The following AHI1 variants were observed in gnomAD, a reference collection of about 807,000 sequenced individuals.
AHI1 encodes Abelson helper integration site 1, also known as jouberin.
AHI1 carries 123 observed loss-of-function variants against 149.3 expected under a neutral mutation model. That is an observed-to-expected ratio of 0.82 (90% CI 0.71 to 0.96). The LOEUF is 0.96. Among genes scored for constraint, AHI1 ranks in the 40% least tolerant of loss-of-function variants. The pLI, the probability that AHI1 is intolerant of heterozygous loss-of-function variation, is 0.00. For synonymous variants in AHI1, 475 were observed against 459.8 expected, an observed-to-expected ratio of 1.03 and a Z score of -0.42; for missense variants, 1,439 against 1,422.7, an observed-to-expected ratio of 1.01 and a Z score of -0.18.
At chr6:135,294,541 CA>C (rs1454040325) in intron 27 of AHI1, among the ~76,000 whole-genome samples, 2 of 149,826 alleles carry the variant, frequency 1.3e-5, no homozygotes, top group Admixed American at 6.6e-5. Flanking sequence ...ACCCTCCCCC[CA>C]AAAAAAACCA....
chr6:135,494,800 A>G (rs560232219), intron 3 of AHI1, among the ~76,000 whole-genome samples: 1 of 152,360 alleles, frequency 6.6e-6, no homozygotes, highest in Non-Finnish European at 1.5e-5. Context: ...AAGTAAAATC[A>G]GGGAGATAGG....
At chr6:135,421,372 TA>T (rs368351601) in intron 20 of AHI1, among the ~76,000 whole-genome samples, 75 of 152,232 alleles carry the variant, frequency 4.9e-4, no homozygotes, top group Admixed American at 1.2e-3. Context: ...TGAAGCACAA[TA>T]AAGCAAACAC....
Position 135,398,058 on chromosome 6 carries a change from GTTTTTTTTT to G in AHI1, c.2989-3171_2989-3163del, listed in dbSNP as rs68148024. Among the ~76,000 whole-genome samples the G allele has an allele frequency of 7.9e-5, 7 of 88,428 alleles. No individual in the cohort carries two copies. In the East Asian group the frequency reaches 1.0e-3, roughly 13 times the overall value. 58.0% of individuals were successfully genotyped at this position (88,428 alleles called of 152,430 possible). Reference sequence around the variant, plus strand: ...AAAAGAAACCAATAATACCCAGGATGTTTTTTTTTTTTTTTTTTTTTTGCAAATCATGTA... The same window carrying G: ...AAAAGAAACCAATAATACCCAGGATGTTTTTTTTTTTTTGCAAATCATGTA... On this transcript the variant is annotated intron_variant, in intron 22 of 28. Transcript: ENST00000265602.
intron 22 of AHI1, among the ~76,000 whole-genome samples, chr6:135,397,131 C>T (rs572694987): frequency 6.6e-6 from 1 of 151,904 alleles, no homozygotes; most frequent in South Asian, 2.1e-4. Context: ...AGCAACGTAA[C>T]AGAGCAGATA....
chr6:135,364,136 A>C (rs868578270), intron 23 of AHI1, among the ~76,000 whole-genome samples: 2 of 146,708 alleles, frequency 1.4e-5, no homozygotes, highest in African/African-American at 2.5e-5. Context: ...CTTCCCAGAC[A>C]GGGTGGCTGC....
At chr6:135,373,095 T>C (rs1284594922) in intron 23 of AHI1, among the ~76,000 whole-genome samples, 3 of 152,244 alleles carry the variant, frequency 2.0e-5, no homozygotes, top group Admixed American at 6.5e-5. Context: ...TAAAAAACGT[T>C]AATTTACCCT....
chr6:135,482,570 CA>C (rs1167025641), intron 5 of AHI1, among the ~76,000 whole-genome samples: 1 of 151,710 alleles, frequency 6.6e-6, no homozygotes, highest in African/African-American at 2.4e-5. Context: ...TGCATACAGT[CA>C]ATTTAAAATT....
At chr6:135,344,389 T>G (rs1289041604) in intron 24 of AHI1, among the ~76,000 whole-genome samples, 1 of 150,830 alleles carries the variant, frequency 6.6e-6, no homozygotes, top group African/African-American at 2.4e-5. Flanking sequence ...CATTAAAAAT[T>G]TATATATATT....
intron 23 of AHI1, among the ~76,000 whole-genome samples, chr6:135,382,921 AAAAAAATAT>A (rs1234569182): frequency 8.1e-4 from 76 of 93,616 alleles, no homozygotes; most frequent in Non-Finnish European, 1.3e-3. Context: ...AAAAAAAAAA[AAAAAAATAT>A]ATATATATAT....
chr6:135,480,224 A>T (rs1299805214), intron 5 of AHI1, among the ~76,000 whole-genome samples: 3 of 152,174 alleles, frequency 2.0e-5, no homozygotes, highest in African/African-American at 7.2e-5. Context: ...TGGGAACACA[A>T]GGCAGGAGGA....
At chr6:135,407,716 T>C (rs916557567) in intron 21 of AHI1, among the ~76,000 whole-genome samples, 4 of 152,114 alleles carry the variant, frequency 2.6e-5, no homozygotes, top group Admixed American at 2.0e-4. Context: ...TTTCATTTCT[T>C]AAAAAACATT....
intron 24 of AHI1, among the ~76,000 whole-genome samples, chr6:135,332,161 C>A (rs1301346582): frequency 6.6e-6 from 1 of 151,892 alleles, no homozygotes; most frequent in Non-Finnish European, 1.5e-5. Context: ...CCTCCGTCTC[C>A]CGGGTTCAAG....
intron 7 of AHI1, 104 bp downstream of exon 7, chr6:135,465,710 A>G (rs1790633780): frequency 1.0e-6 from 1 of 968,128 alleles, no homozygotes; most frequent in African/African-American, 1.7e-5. Flanking sequence ...GTCTCCAAAT[A>G]AAAGCGTAAG....
intron 24 of AHI1, among the ~76,000 whole-genome samples, chr6:135,351,066 T>G (rs927473505): frequency 2.0e-5 from 3 of 151,856 alleles, no homozygotes; most frequent in Non-Finnish European, 4.4e-5. Context: ...ATAACTGAAC[T>G]TCTGCATTGA....
intron 23 of AHI1, among the ~76,000 whole-genome samples, chr6:135,375,232 T>C (rs572482954): frequency 2.6e-5 from 4 of 152,218 alleles, no homozygotes; most frequent in African/African-American, 9.6e-5. Context: ...AGTTTTTTTT[T>C]CCAGCACTAG....
intron 28 of AHI1, among the ~76,000 whole-genome samples, chr6:135,290,150 T>C (rs111769186): frequency 8.7e-4 from 132 of 152,344 alleles, no homozygotes; most frequent in African/African-American, 2.9e-3. Flanking sequence ...TAGCTTTTTC[T>C]TTCCTTTAAA....
intron 24 of AHI1, among the ~76,000 whole-genome samples, chr6:135,345,919 C>T (rs1051264137): frequency 8.5e-5 from 13 of 152,094 alleles, no homozygotes; most frequent in African/African-American, 2.4e-4. Flanking sequence ...AAAAAATACA[C>T]GTAAGGAGAC....
At chr6:135,352,591 C>A (rs1254549736) in intron 24 of AHI1, among the ~76,000 whole-genome samples, 1 of 151,958 alleles carries the variant, frequency 6.6e-6, no homozygotes, top group African/African-American at 2.4e-5. Context: ...AACATGACAT[C>A]CCTTCCGTTA....
chr6:135,471,775 G>A (rs1269390576), intron 5 of AHI1, among the ~76,000 whole-genome samples: 1 of 151,912 alleles, frequency 6.6e-6, no homozygotes, highest in African/African-American at 2.4e-5. Flanking sequence ...CACTTTGGGA[G>A]GCCGAGGCGG....
Sources: gnomAD v4.1 joint callset for allele counts (sites outside exome capture counted in the v4.1 genomes callset) on GRCh38, gnomAD v4.1.1 for gene constraint, MANE v1.5 for transcripts, NCBI Gene and HGNC (gene_info 2026-07-23, HGNC 2026-07-21) for gene names.